Variants in BAHCC1 observed in about 807,000 individuals in gnomAD.
The protein encoded by BAHCC1 is BAH and coiled-coil domain-containing protein 1.
BAHCC1 carries 43 observed loss-of-function variants against 88.2 expected under a neutral mutation model. That is an observed-to-expected ratio of 0.49 (90% CI 0.38 to 0.63). The LOEUF is 0.63. Ranked by LOEUF, BAHCC1 falls within the 20% of genes least tolerant of loss-of-function variation. BAHCC1 has a pLI of 0.00. For missense variants in BAHCC1, 3,023 were observed against 1,654.8 expected, an observed-to-expected ratio of 1.83 and a Z score of -14.34; for synonymous variants, 1,510 against 745.5, an observed-to-expected ratio of 2.03 and a Z score of -16.71.
rs782390056 is a variant in BAHCC1 at position 81,443,333 on chromosome 17, T to C, written c.1984T>C (p.Cys662Arg). ...GGGCCTGGGTGGCCTCAAGGCCAGC[T>C]GCATCCAGCAGGAAGCAAAGTTCCT... ...LVGLGGLKAS[C>R]IQQEAKFLSS... is the part of the protein sequence containing the mutation. The change falls in exon 5 of 28, where the codon TGC (cysteine) becomes CGC (arginine). Residue 662 changes from cysteine to arginine, a missense_variant. Transcript: ENST00000675386. 7.7e-6 allele frequency: 6 copies of C among 779,156 alleles called. No individual in the cohort carries two copies. The highest frequency in any genetic ancestry group is 1.2e-5 in the Non-Finnish European group (5 of 417,734). 48.3% of individuals were successfully genotyped at this position (779,156 alleles called of 1,614,324 possible). A position where few individuals can be genotyped will look rare whatever the true frequency, so the allele number is the denominator to read the frequency against.
At chr17:81,414,685 G>A (rs1294020951) in intron 2 of BAHCC1, among the ~76,000 whole-genome samples, 2 of 152,214 alleles carry the variant, frequency 1.3e-5, no homozygotes, top group African/African-American at 4.8e-5. Context: ...CTGGCCGTCG[G>A]GAGGGCCTGG....
chr17:81,426,265 T>G, intron 2 of BAHCC1, among the ~76,000 whole-genome samples: 2 of 145,288 alleles, frequency 1.4e-5, no homozygotes, highest in African/African-American at 5.2e-5. Context: ...TAGTCGTGGG[T>G]GATGTGGTTG....
intron 2 of BAHCC1, among the ~76,000 whole-genome samples, chr17:81,403,250 C>G (rs782033970): frequency 6.6e-6 from 1 of 152,168 alleles, no homozygotes; most frequent in East Asian, 1.9e-4. Flanking sequence ...CCTCCCCTCT[C>G]CAGGGGCCAG....
intron 2 of BAHCC1, among the ~76,000 whole-genome samples, chr17:81,415,102 C>G: frequency 6.6e-6 from 1 of 152,294 alleles, no homozygotes; most frequent in Non-Finnish European, 1.5e-5. Context: ...AGATGCTGCG[C>G]GGGGGGCTGG....
intron 26 of BAHCC1, 153 bp from the exon 27 acceptor site, chr17:81,462,587 G>A (rs917884151): frequency 2.4e-5 from 14 of 593,078 alleles, no homozygotes; most frequent in Non-Finnish European, 3.3e-5. Context: ...GCCTTAAGCC[G>A]CGGTGCTGCG....
At chr17:81,445,333 G>A (rs782087769) in intron 9 of BAHCC1, 21 bp from the exon 10 acceptor site, 5 of 764,346 alleles carry the variant, frequency 6.5e-6, no homozygotes, top group Admixed American at 1.8e-5. Flanking sequence ...GCCTGACCGA[G>A]CTTGCCCCCA....
intron 1 of BAHCC1, among the ~76,000 whole-genome samples, chr17:81,398,923 G>A (rs780053648): frequency 2.0e-5 from 3 of 150,030 alleles, no homozygotes; most frequent in Non-Finnish European, 3.0e-5. Flanking sequence ...GGGGAGAAAA[G>A]GAAGGTTATT....
chr17:81,444,360 G>A (rs782357167), intron 6 of BAHCC1, 21 bp from the exon 7 acceptor site: 1 of 722,804 alleles, frequency 1.4e-6, no homozygotes, highest in Non-Finnish European at 2.6e-6. Context: ...CGGCGGCAGG[G>A]CTGAGCCCCA....
intron 11 of BAHCC1, among the ~76,000 whole-genome samples, chr17:81,448,919 G>C (rs2143566945): frequency 6.6e-6 from 1 of 152,262 alleles, no homozygotes; most frequent in East Asian, 1.9e-4. Flanking sequence ...CAATATATGA[G>C]AAGTTAGATA....
intron 2 of BAHCC1, among the ~76,000 whole-genome samples, chr17:81,414,342 C>G (rs782814045): frequency 6.6e-6 from 1 of 152,228 alleles, no homozygotes; most frequent in African/African-American, 2.4e-5. Flanking sequence ...CCCAGTGGTC[C>G]GTGAGGCCGG....
chr17:81,440,724 G>T (rs1052349278), intron 4 of BAHCC1, among the ~76,000 whole-genome samples: 2 of 152,180 alleles, frequency 1.3e-5, no homozygotes, highest in African/African-American at 2.4e-5. Flanking sequence ...GAGGGCCCAG[G>T]CTGGGCAACC....
Position 81,447,639 on chromosome 17 carries a change from C to T in BAHCC1, c.3767C>T (p.Ala1256Val), listed in dbSNP as rs142418298. Reference protein sequence around the residue: ...GAPDNSHPPRALPGLDALVAA... With the variant: ...GAPDNSHPPRVLPGLDALVAA... ...CCCGACAACAGCCACCCACCCAGGGCGCTACCAGGCCTGGATGCCTTGGTG... is the reference window on the plus strand; with the variant it reads ...CCCGACAACAGCCACCCACCCAGGGTGCTACCAGGCCTGGATGCCTTGGTG... The change falls in exon 11 of 28, where the codon GCG becomes GTG. Residue 1256 changes from alanine to valine, a missense_variant. Transcript: ENST00000675386. 2,480 of 741,388 alleles carry T rather than the reference C, an allele frequency of 3.3e-3. 7 individuals are homozygous for T. Among genetic ancestry groups the T allele is most frequent in the Non-Finnish European group, 4.9e-3 (1,952 of 399,172 alleles). The allele number at this position is 741,388 out of a possible 1,614,324, so 45.9% of individuals were successfully genotyped here.
chr17:81,409,262 T>C (rs2063918343), intron 2 of BAHCC1, among the ~76,000 whole-genome samples: 1 of 152,192 alleles, frequency 6.6e-6, no homozygotes, highest in Non-Finnish European at 1.5e-5. Flanking sequence ...CGCTACACCT[T>C]AAAGGGTGTC....
chr17:81,459,143 G>C lies in BAHCC1; in HGVS notation c.5695G>C (p.Val1899Leu). Residue 1899 changes from valine (V) to leucine (L), a missense_variant, in exon 21 of 28, where the codon GTC becomes CTC. Transcript: ENST00000675386. Reference sequence around the variant, plus strand: ...GGATAGCCTGCTGTACGCGGGCAGCGTCAGGACCCTGCAGCCACCCGACAT... The same window carrying C: ...GGATAGCCTGCTGTACGCGGGCAGCCTCAGGACCCTGCAGCCACCCGACAT... ...KEDSLLYAGS[V>L]RTLQPPDIYS... The C allele has an allele frequency of 1.3e-6, 1 of 770,480 alleles. No individual in the cohort carries two copies. The allele number at this position is 770,480 out of a possible 1,614,324, so 47.7% of individuals were successfully genotyped here.
At chr17:81,446,989 C>A in intron 10 of BAHCC1, 47 bp from the exon 11 acceptor site, 1 of 774,722 alleles carries the variant, frequency 1.3e-6, no homozygotes, top group South Asian at 1.3e-5. Context: ...AGGACACCCC[C>A]TCACCACCAC....
intron 13 of BAHCC1, among the ~76,000 whole-genome samples, 175 bp from the exon 14 acceptor site, chr17:81,452,548 C>T (rs1555656106): frequency 6.6e-6 from 1 of 151,792 alleles, no homozygotes; most frequent in East Asian, 1.9e-4. Flanking sequence ...GTGGGGGCGG[C>T]GGGGGCCCCT....
rs1555655934 is a variant in BAHCC1, at chr17:81,451,971, G to C, written c.4180G>C (p.Val1394Leu). Residue 1394 changes from valine (V) to leucine (L), a missense_variant and splice_region_variant, in exon 13 of 28, where the codon GTG becomes CTG. Coordinates refer to ENST00000675386, the MANE Select transcript of BAHCC1 (RefSeq NM_001377448.1). ...CAGGCCCCTGTGCCCCCCCCACCAGGTGTGCCCCCTGAAGGCCGCCATCGA... is the reference window on the plus strand; with the variant it reads ...CAGGCCCCTGTGCCCCCCCCACCAGCTGTGCCCCCTGAAGGCCGCCATCGA... Reference protein sequence around the residue: ...KDTWTPKTKPVCPLKAAIDRL... With the variant: ...KDTWTPKTKPLCPLKAAIDRL... 9.6e-6 allele frequency: 6 copies of C among 624,862 alleles called. No individual in the cohort carries two copies. Among genetic ancestry groups the C allele is most frequent in the African/African-American group, 1.9e-5 (1 of 53,928 alleles). The allele number at this position is 624,862 out of a possible 1,614,324, so 38.7% of individuals were successfully genotyped here. A position where few individuals can be genotyped will look rare whatever the true frequency, so the allele number is the denominator to read the frequency against.
rs782786986 is a variant in BAHCC1 at position 81,423,925 on chromosome 17, CAGG to C, written c.179-2872_179-2870del. On this transcript the variant is annotated intron_variant, in intron 2 of 27. Coordinates refer to ENST00000675386, the MANE Select transcript of BAHCC1 (RefSeq NM_001377448.1). ...TCACCATTTCCCACACTCAGGCTGCCAGGAGAAGTGCGGGGTATCCTGGCGGTG... is the reference window on the plus strand; with the variant it reads ...TCACCATTTCCCACACTCAGGCTGCCAGAAGTGCGGGGTATCCTGGCGGTG... Among the ~76,000 whole-genome samples the C allele has an allele frequency of 7.9e-4, 121 of 152,326 alleles. 2 individuals are homozygous for C. Among genetic ancestry groups the C allele is most frequent in the Non-Finnish European group, 4.4e-4 (30 of 68,020 alleles).
Position 81,399,191 on chromosome 17 carries a change from T to A in BAHCC1, c.-206-343T>A. 2.4e-6 allele frequency: 1 copy of A among 422,276 alleles called. No homozygotes were observed. Among genetic ancestry groups the A allele is most frequent in the Non-Finnish European group, 4.8e-6 (1 of 210,124 alleles). The allele number at this position is 422,276 out of a possible 1,614,324, so 26.2% of individuals were successfully genotyped here. The stretch of plus-strand genomic sequence containing the variant: ...ATGGCTTCGCAGATTTGGGTTTTTA[T>A]CACCCAGCAGAGCCAGCAGCCTCTT... On this transcript the variant is annotated intron_variant, in intron 1 of 27. Coordinates refer to ENST00000675386, the MANE Select transcript of BAHCC1 (RefSeq NM_001377448.1). This position sits in a 1 kb window ranked among gnomAD's most constrained non-coding sequence, Gnocchi z 4.5.
Sources: allele counts gnomAD v4.1 joint callset (sites outside exome capture counted in the v4.1 genomes callset), GRCh38; gene constraint gnomAD v4.1.1; non-coding constraint Gnocchi (gnomAD v3.1); transcripts MANE v1.5; gene names NCBI Gene and HGNC (gene_info 2026-07-23, HGNC 2026-07-21).